Variants in HROB observed in about 807,000 individuals in gnomAD.
HROB encodes homologous recombination factor with OB-fold.
In HROB, 44 loss-of-function variants were observed where a neutral mutation model predicts 61.0. The observed-to-expected ratio is 0.72, with a 90% confidence interval of 0.57 to 0.93. HROB has a LOEUF of 0.93. Among genes scored for constraint, HROB ranks in the 40% least tolerant of loss-of-function variants. The probability of loss-of-function intolerance (pLI) is 0.00; values close to 1 mark genes in which losing one functional copy is unlikely to be tolerated. For missense variants in HROB, 716 were observed against 796.2 expected, an observed-to-expected ratio of 0.90 and a Z score of 1.21; for synonymous variants, 301 against 310.4, an observed-to-expected ratio of 0.97 and a Z score of 0.32.
At chr17:44,158,307 G>A (rs1017424024) in intron 9 of HROB, among the ~76,000 whole-genome samples, 1 of 152,206 alleles carries the variant, frequency 6.6e-6, no homozygotes, top group East Asian at 1.9e-4. Context: ...TTCCCATCCT[G>A]AGTAAGCTTA....
intron 2 of HROB, among the ~76,000 whole-genome samples, chr17:44,147,063 GAA>G (rs1491118099): frequency 3.3e-5 from 5 of 151,722 alleles, no homozygotes; most frequent in African/African-American, 1.2e-4. Context: ...GAGAGAGAGA[GAA>G]AGAGAGCACA....
chr17:44,144,238 C>A (rs2053545672), intron 1 of HROB, among the ~76,000 whole-genome samples: 1 of 151,982 alleles, frequency 6.6e-6, no homozygotes, highest in Admixed American at 6.6e-5. Context: ...CCTCCCAGTT[C>A]AAGCGATTCT....
At chr17:44,158,732 G>A (rs1027882651) in intron 9 of HROB, among the ~76,000 whole-genome samples, 6 of 151,304 alleles carry the variant, frequency 4.0e-5, no homozygotes, top group Admixed American at 6.6e-5. Context: ...TGCAAGCTCC[G>A]CCTCCCGGGT....
chr17:44,158,640 G>A (rs928916179), intron 9 of HROB, among the ~76,000 whole-genome samples: 4 of 139,124 alleles, frequency 2.9e-5, no homozygotes, highest in African/African-American at 1.2e-4. Flanking sequence ...GTGCCACTAT[G>A]CCCAGCAATT....
At chr17:44,155,447 GCCCTCCTTCTGC>G in intron 8 of HROB, 36 bp downstream of exon 8, 1 of 1,610,188 alleles carries the variant, frequency 6.2e-7, no homozygotes, top group Non-Finnish European at 8.5e-7. Flanking sequence ...GACTGGTAAG[GCCCTCCTTCTGC>G]CTGGATCTTC....
chr17:44,155,600 A>C (rs1053235384), intron 8 of HROB, among the ~76,000 whole-genome samples, 189 bp downstream of exon 8: 1 of 152,092 alleles, frequency 6.6e-6, no homozygotes, highest in South Asian at 2.1e-4. Context: ...TGGCTCAGTA[A>C]CAGTACCTAG....
At chr17:44,160,143 CAG>C (rs1206608115) in intron 9 of HROB, among the ~76,000 whole-genome samples, 1 of 152,234 alleles carries the variant, frequency 6.6e-6, no homozygotes, top group African/African-American at 2.4e-5. Context: ...CAGGGCGTGA[CAG>C]AGGACTTTCA....
At chr17:44,158,567 T>G (rs1350662850) in intron 9 of HROB, among the ~76,000 whole-genome samples, 2 of 152,160 alleles carry the variant, frequency 1.3e-5, no homozygotes, top group Non-Finnish European at 2.9e-5. Context: ...CACTGCATCC[T>G]CGGCCTCTAG....
At chr17:44,143,257 C>T (rs919034506) in intron 1 of HROB, among the ~76,000 whole-genome samples, 1 of 151,678 alleles carries the variant, frequency 6.6e-6, no homozygotes, top group African/African-American at 2.4e-5. Flanking sequence ...CACCTATAAT[C>T]CCAGCACTTT....
chr17:44,151,100 T>C, intron 4 of HROB, 56 bp downstream of exon 4: 5 of 1,505,240 alleles, frequency 3.3e-6, no homozygotes, highest in Non-Finnish European at 2.8e-6. Flanking sequence ...GGGGCGTCCC[T>C]GTGTGTTTCA....
chr17:44,161,135 G>A (rs558915556), intron 9 of HROB, among the ~76,000 whole-genome samples: 7 of 151,982 alleles, frequency 4.6e-5, no homozygotes, highest in African/African-American at 7.2e-5. Context: ...CCCAGGAGGC[G>A]GAGCTTGCAG....
At chr17:44,152,238 C>T (rs1267551324) in intron 4 of HROB, among the ~76,000 whole-genome samples, 1 of 152,176 alleles carries the variant, frequency 6.6e-6, no homozygotes, top group Non-Finnish European at 1.5e-5. Context: ...CCTCGGCCTT[C>T]CAAAGTGCTG....
At chr17:44,153,516 C>T (rs999999830) in intron 5 of HROB, among the ~76,000 whole-genome samples, 2 of 151,918 alleles carry the variant, frequency 1.3e-5, no homozygotes, top group Non-Finnish European at 2.9e-5. Flanking sequence ...GAGGTCAAGG[C>T]GGGCGGATCA....
At chr17:44,142,653 C>T (rs931873296) in intron 1 of HROB, among the ~76,000 whole-genome samples, 1 of 151,918 alleles carries the variant, frequency 6.6e-6, no homozygotes, top group African/African-American at 2.4e-5. Flanking sequence ...GGCACCACCT[C>T]TGATCTGGGT....
At chr17:44,144,046 T>C (rs760469702) in intron 1 of HROB, among the ~76,000 whole-genome samples, 8 of 151,310 alleles carry the variant, frequency 5.3e-5, no homozygotes, top group Middle Eastern at 3.2e-3. Flanking sequence ...GGTGCAATCT[T>C]GGCTCACTGC....
At position 44,162,041 on chromosome 17, in the gene HROB, C is replaced by T. The variant is rs1014230586; in HGVS notation, c.*109C>T. On this transcript the variant is annotated 3_prime_UTR_variant, in exon 10 of 10. Coordinates refer to ENST00000585683, the MANE Select transcript of HROB (RefSeq NM_001171251.3). ...AGCATGATTGGAGAGTGGACACAGC[C>T]GGGGGGCTTCTGTGGTTGCTCCCAC... The T allele has an allele frequency of 9.4e-6, 12 of 1,279,074 alleles. No individual in the cohort carries two copies. Among genetic ancestry groups the T allele is most frequent in the East Asian group, 7.2e-5 (3 of 41,700 alleles). 79.2% of individuals were successfully genotyped at this position (1,279,074 alleles called of 1,614,324 possible).
chr17:44,162,068 C>A lies in HROB; in HGVS notation c.*136C>A. ...GGGGGCTTCTGTGGTTGCTCCCACC[C>A]TGGGTGTTTTCCCTGAGAGCCCCCT... On this transcript the variant is annotated 3_prime_UTR_variant, in exon 10 of 10. Coordinates refer to ENST00000585683, the MANE Select transcript of HROB (RefSeq NM_001171251.3). 1 of 974,202 alleles carries A rather than the reference C, an allele frequency of 1.0e-6. No homozygotes were observed. The highest frequency in any genetic ancestry group is 1.5e-6 in the Non-Finnish European group (1 of 657,636). 60.3% of individuals were successfully genotyped at this position (974,202 alleles called of 1,614,324 possible). A position where few individuals can be genotyped will look rare whatever the true frequency, so the allele number is the denominator to read the frequency against.
chr17:44,158,189 C>T (rs1240535440), intron 9 of HROB, among the ~76,000 whole-genome samples: 4 of 152,186 alleles, frequency 2.6e-5, no homozygotes, highest in Non-Finnish European at 5.9e-5. Context: ...TATGTGCCAT[C>T]AGCCACAAGG....
At chr17:44,147,480 A>G (rs559195727) in intron 2 of HROB, among the ~76,000 whole-genome samples, 72 of 134,298 alleles carry the variant, frequency 5.4e-4, no homozygotes, top group Non-Finnish European at 1.0e-3. Flanking sequence ...TTTGTCACCC[A>G]GGCTGGAGTA....
Sources: allele counts gnomAD v4.1 joint callset (sites outside exome capture counted in the v4.1 genomes callset), GRCh38; gene constraint gnomAD v4.1.1; transcripts MANE v1.5; gene names NCBI Gene and HGNC (gene_info 2026-07-23, HGNC 2026-07-21).